The following PTPRD variants were observed in gnomAD, a reference collection of about 807,000 sequenced individuals.
The protein encoded by PTPRD is protein tyrosine phosphatase receptor type D, also known as receptor-type tyrosine-protein phosphatase delta.
In PTPRD, 34 loss-of-function variants were observed where a neutral mutation model predicts 214.5. The observed-to-expected ratio is 0.16, with a 90% confidence interval of 0.12 to 0.21. The LOEUF is 0.21. Among genes scored for constraint, PTPRD ranks in the 10% least tolerant of loss-of-function variants. The pLI is 1.00. For synonymous variants in PTPRD, 1,128 were observed against 845.7 expected (o/e 1.33, Z -5.79); for missense variants, 2,545 against 2,398.7 (o/e 1.06, Z -1.27).
intron 11 of PTPRD, among the ~76,000 whole-genome samples, chr9:8,853,414 T>A (rs1601925687): frequency 6.6e-6 from 1 of 152,278 alleles, no homozygotes; most frequent in East Asian, 1.9e-4. Flanking sequence ...CCATTTTTAT[T>A]TTTTTAAAAA....
chr9:8,796,104 T>G lies in PTPRD; in HGVS notation c.-103-62158A>C, dbSNP rs187520135. On this transcript the variant is annotated intron_variant, in intron 11 of 45. Transcript: ENST00000381196. ...TTTCCAAATAATCTATGCATACTGT[T>G]GGTAGCCACAGCAGAAAATGCTATA... Among the ~76,000 whole-genome samples the G allele has an allele frequency of 2.4e-3, 365 of 152,286 alleles. 3 individuals carry two copies. Among genetic ancestry groups the G allele is most frequent in the Non-Finnish European group, 4.1e-3 (282 of 68,032 alleles).
intron 7 of PTPRD, among the ~76,000 whole-genome samples, chr9:9,586,624 T>G (rs995827809): frequency 6.6e-6 from 1 of 151,954 alleles, no homozygotes; most frequent in Admixed American, 6.6e-5. Context: ...AATACCATTT[T>G]TAAAATAGAA....
intron 2 of PTPRD, among the ~76,000 whole-genome samples, chr9:10,412,610 ACACG>A (rs1225032231): frequency 7.3e-5 from 8 of 110,040 alleles, no homozygotes; most frequent in African/African-American, 2.6e-4. Flanking sequence ...AGATATACAC[ACACG>A]CACGCACACA....
At chr9:10,330,769 G>T (rs1319794273) in intron 3 of PTPRD, among the ~76,000 whole-genome samples, 1 of 151,774 alleles carries the variant, frequency 6.6e-6, no homozygotes, top group Non-Finnish European at 1.5e-5. Flanking sequence ...CTGGCCTACT[G>T]CTGACTTAAT....
At chr9:8,517,095 T>C (rs559105117) in intron 21 of PTPRD, among the ~76,000 whole-genome samples, 5 of 146,710 alleles carry the variant, frequency 3.4e-5, no homozygotes, top group Non-Finnish European at 3.0e-5. Flanking sequence ...CGTGAGCCAC[T>C]GTGCGTGGCT....
At chr9:10,527,687 C>T (rs1479121109) in intron 2 of PTPRD, among the ~76,000 whole-genome samples, 6 of 152,116 alleles carry the variant, frequency 3.9e-5, no homozygotes, top group Non-Finnish European at 5.9e-5. Flanking sequence ...AATGTAATCA[C>T]CATAAGAAGA....
At chr9:8,999,771 A>G (rs1199661196) in intron 11 of PTPRD, among the ~76,000 whole-genome samples, 1 of 152,084 alleles carries the variant, frequency 6.6e-6, no homozygotes, top group Non-Finnish European at 1.5e-5. Context: ...TACAGAAACA[A>G]GAAAAATATG....
chr9:9,889,086 G>C (rs556260222), intron 5 of PTPRD, among the ~76,000 whole-genome samples: 1 of 152,124 alleles, frequency 6.6e-6, no homozygotes, highest in African/African-American at 2.4e-5. Context: ...TATAAGTAGA[G>C]AGTAGAATGA....
intron 7 of PTPRD, among the ~76,000 whole-genome samples, chr9:9,670,010 C>T (rs533976593): frequency 6.6e-6 from 1 of 152,056 alleles, no homozygotes; most frequent in South Asian, 2.1e-4. Context: ...TTATCAGATA[C>T]AATGAGAAAG....
intron 12 of PTPRD, among the ~76,000 whole-genome samples, chr9:8,655,338 C>T (rs1369614568): frequency 6.6e-6 from 1 of 152,156 alleles, no homozygotes; most frequent in East Asian, 1.9e-4. Context: ...ATAGTTTGAT[C>T]GCAGAAAGGC....
At chr9:10,056,195 C>T (rs2097643911) in intron 3 of PTPRD, among the ~76,000 whole-genome samples, 1 of 151,824 alleles carries the variant, frequency 6.6e-6, no homozygotes, top group African/African-American at 2.4e-5. Context: ...GTGGCATGTG[C>T]CTGTTATCCC....
intron 7 of PTPRD, among the ~76,000 whole-genome samples, chr9:9,733,931 T>A (rs1013922577): frequency 1.3e-5 from 2 of 152,306 alleles, no homozygotes; most frequent in Middle Eastern, 3.4e-3. Flanking sequence ...AGCTGCTGTT[T>A]GGAAAAATAC....
chr9:9,402,999 A>T (rs1465757043), intron 8 of PTPRD, among the ~76,000 whole-genome samples: 4 of 150,338 alleles, frequency 2.7e-5, no homozygotes, highest in Non-Finnish European at 4.4e-5. Context: ...ACACCAAAAA[A>T]AAATGAGGTG....
At chr9:8,344,584 T>C (rs778437491) in intron 39 of PTPRD, among the ~76,000 whole-genome samples, 6 of 152,052 alleles carry the variant, frequency 3.9e-5, no homozygotes, top group Non-Finnish European at 7.4e-5. Flanking sequence ...ATTCAAAATA[T>C]TGTTAACTGC....
intron 9 of PTPRD, among the ~76,000 whole-genome samples, chr9:9,295,966 A>G (rs1262817988): frequency 6.6e-6 from 1 of 151,830 alleles, no homozygotes; most frequent in Non-Finnish European, 1.5e-5. Context: ...TGGAAATTAA[A>G]TTTTAAAAAA....
At chr9:9,959,377 T>C (rs2094186563) in intron 4 of PTPRD, among the ~76,000 whole-genome samples, 1 of 152,072 alleles carries the variant, frequency 6.6e-6, no homozygotes, top group South Asian at 2.1e-4. Flanking sequence ...ACAGAGGACT[T>C]TTAGAACAGC....
chr9:8,638,407 T>C (rs1437693434), intron 12 of PTPRD, among the ~76,000 whole-genome samples: 1 of 152,070 alleles, frequency 6.6e-6, no homozygotes. Flanking sequence ...CTATCTAAGC[T>C]CCACCAATAC....
At chr9:9,725,985 G>C (rs551714562) in intron 7 of PTPRD, among the ~76,000 whole-genome samples, 1 of 152,066 alleles carries the variant, frequency 6.6e-6, no homozygotes, top group Admixed American at 6.6e-5. Flanking sequence ...CCAAGCCAGC[G>C]TTAGGGGTAA....
intron 12 of PTPRD, among the ~76,000 whole-genome samples, chr9:8,733,278 T>C (rs1453365543): frequency 6.6e-6 from 1 of 152,062 alleles, no homozygotes; most frequent in Non-Finnish European, 1.5e-5. Flanking sequence ...TTTGTTTCAA[T>C]ACTGTACTCG....
Sources: gnomAD v4.1 joint callset for allele counts (sites outside exome capture counted in the v4.1 genomes callset) on GRCh38, gnomAD v4.1.1 for gene constraint, MANE v1.5 for transcripts, NCBI Gene and HGNC (gene_info 2026-07-23, HGNC 2026-07-21) for gene names.